Variants in HMBOX1 observed in about 807,000 individuals in gnomAD.
HMBOX1 encodes the protein homeobox containing 1.
Under a neutral mutation model 54.5 loss-of-function variants are expected in HMBOX1, and 14 were observed. The ratio of observed to expected loss-of-function variants is 0.26; its 90% CI spans 0.17 to 0.40. The LOEUF (loss-of-function observed/expected upper bound fraction) is 0.40, where lower values mean the gene tolerates loss of function less well. Ranked by LOEUF, HMBOX1 falls within the 10% of genes least tolerant of loss-of-function variation. The pLI, the probability that HMBOX1 is intolerant of heterozygous loss-of-function variation, is 1.00. For synonymous variants in HMBOX1, 160 were observed against 181.0 expected, an observed-to-expected ratio of 0.88 and a Z score of 0.93; for missense variants, 332 against 514.4, an observed-to-expected ratio of 0.65 and a Z score of 3.43.
intron 2 of HMBOX1, among the ~76,000 whole-genome samples, chr8:28,965,453 A>T (rs900793501): frequency 3.9e-5 from 6 of 152,226 alleles, no homozygotes; most frequent in Non-Finnish European, 4.4e-5. Flanking sequence ...GAATACACTC[A>T]ATAGATGAGG....
intron 1 of HMBOX1, among the ~76,000 whole-genome samples, chr8:28,950,661 G>A (rs1823249665): frequency 6.6e-6 from 1 of 152,200 alleles, no homozygotes; most frequent in Admixed American, 6.5e-5. Context: ...ATGCTTGAAG[G>A]TGATCATGGT....
intron 6 of HMBOX1, among the ~76,000 whole-genome samples, chr8:29,043,850 T>G (rs965711308): frequency 6.6e-6 from 1 of 152,106 alleles, no homozygotes; most frequent in East Asian, 1.9e-4. Context: ...ATGAGGGTAG[T>G]GACTTGGAAA....
intron 1 of HMBOX1, among the ~76,000 whole-genome samples, chr8:28,960,781 T>TGGAGACGG (rs1563473087): frequency 4.4e-5 from 2 of 45,346 alleles, no homozygotes; most frequent in Non-Finnish European, 4.6e-5. Flanking sequence ...TTTTTTTTTT[T>TGGAGACGG]TTTTTTTTTT....
intron 2 of HMBOX1, among the ~76,000 whole-genome samples, chr8:28,966,870 G>A (rs1343614902): frequency 6.6e-6 from 1 of 152,148 alleles, no homozygotes; most frequent in African/African-American, 2.4e-5. Flanking sequence ...TCAGTGCAGG[G>A]CACAGACATC....
intron 1 of HMBOX1, among the ~76,000 whole-genome samples, chr8:28,903,466 C>T (rs1209702038): frequency 1.3e-5 from 2 of 152,236 alleles, no homozygotes; most frequent in Non-Finnish European, 1.5e-5. Flanking sequence ...TTCCAACCAT[C>T]TGAGAATTGT....
intron 4 of HMBOX1, among the ~76,000 whole-genome samples, chr8:28,992,527 G>A (rs1831127610): frequency 6.6e-6 from 1 of 151,996 alleles, no homozygotes; most frequent in African/African-American, 2.4e-5. Flanking sequence ...TACTTTTTAT[G>A]TTAGAAAATT....
intron 8 of HMBOX1, 110 bp downstream of exon 8, chr8:29,047,563 T>TC: frequency 4.1e-6 from 2 of 490,978 alleles, no homozygotes. Context: ...TCCTAACTTC[T>TC]CTTTTTTTTT....
intron 1 of HMBOX1, among the ~76,000 whole-genome samples, chr8:28,930,695 T>C (rs1445395858): frequency 1.3e-5 from 2 of 152,168 alleles, no homozygotes; most frequent in Non-Finnish European, 2.9e-5. Context: ...CAATTCCACT[T>C]CCCTGGAATT....
intron 3 of HMBOX1, among the ~76,000 whole-genome samples, chr8:28,976,999 G>C (rs1379101088): frequency 4.6e-5 from 7 of 152,212 alleles, no homozygotes; most frequent in Non-Finnish European, 2.9e-5. Context: ...GTGACCCACC[G>C]TGCCTGGCTA....
At chr8:28,922,402 A>G (rs1278376904) in intron 1 of HMBOX1, among the ~76,000 whole-genome samples, 1 of 152,206 alleles carries the variant, frequency 6.6e-6, no homozygotes, top group East Asian at 1.9e-4. Context: ...CAAAGATACC[A>G]AGGGACAACT....
At chr8:28,981,129 T>C (rs1829266952) in intron 4 of HMBOX1, among the ~76,000 whole-genome samples, 1 of 152,206 alleles carries the variant, frequency 6.6e-6, no homozygotes, top group South Asian at 2.1e-4. Context: ...AGGTTGTTAC[T>C]GGCCATTAAT....
chr8:28,927,209 T>A (rs925332142), intron 1 of HMBOX1, among the ~76,000 whole-genome samples: 1 of 152,242 alleles, frequency 6.6e-6, no homozygotes, highest in East Asian at 1.9e-4. Context: ...GTGATTATTA[T>A]GCATTGCATG....
intron 3 of HMBOX1, among the ~76,000 whole-genome samples, chr8:28,971,091 T>C (rs1235883873): frequency 6.9e-6 from 1 of 145,228 alleles, no homozygotes; most frequent in Admixed American, 6.8e-5. Flanking sequence ...ATCTACTTTT[T>C]TTTTTTTTTT....
intron 6 of HMBOX1, among the ~76,000 whole-genome samples, chr8:29,029,045 T>C (rs1296783459): frequency 6.6e-6 from 1 of 152,216 alleles, no homozygotes; most frequent in Non-Finnish European, 1.5e-5. Context: ...TGAGGCTTTC[T>C]TGTCATTTAA....
intron 1 of HMBOX1, among the ~76,000 whole-genome samples, chr8:28,936,427 A>G (rs1820411850): frequency 6.6e-6 from 1 of 151,988 alleles, no homozygotes; most frequent in African/African-American, 2.4e-5. Context: ...TGTATTATAC[A>G]TTTAAACTAT....
chr8:28,893,227 A>G (rs181823583), intron 1 of HMBOX1, among the ~76,000 whole-genome samples: 24 of 152,302 alleles, frequency 1.6e-4, no homozygotes, highest in African/African-American at 5.5e-4. Context: ...CATTTTAAGT[A>G]CTGGGCATTA....
At chr8:29,037,424 C>T (rs1804079984) in intron 6 of HMBOX1, among the ~76,000 whole-genome samples, 1 of 151,954 alleles carries the variant, frequency 6.6e-6, no homozygotes, top group African/African-American at 2.4e-5. Context: ...AATGCTTTTC[C>T]AAATTATAAA....
chr8:28,982,917 C>T (rs1216459849), intron 4 of HMBOX1, among the ~76,000 whole-genome samples: 1 of 152,160 alleles, frequency 6.6e-6, no homozygotes, highest in Non-Finnish European at 1.5e-5. Context: ...AGCCACTGTG[C>T]CCAGCCTATC....
intron 1 of HMBOX1, among the ~76,000 whole-genome samples, chr8:28,918,726 T>A (rs1015216422): frequency 3.3e-5 from 5 of 152,214 alleles, no homozygotes; most frequent in Admixed American, 1.3e-4. Context: ...ACGCCGAGTT[T>A]AAGTGCTTCC....
Sources: allele counts gnomAD v4.1 joint callset (sites outside exome capture counted in the v4.1 genomes callset), GRCh38; gene constraint gnomAD v4.1.1; transcripts MANE v1.5; gene names NCBI Gene and HGNC (gene_info 2026-07-23, HGNC 2026-07-21).